The following C8orf34 variants were observed in gnomAD, a reference collection of about 807,000 sequenced individuals.
C8orf34 encodes the protein chromosome 8 open reading frame 34.
Under a neutral mutation model 68.3 loss-of-function variants are expected in C8orf34, and 65 were observed. The observed-to-expected ratio is 0.95, with a 90% confidence interval of 0.78 to 1.17. C8orf34 has a LOEUF of 1.17. C8orf34 is among the 50% of genes most tolerant of loss of function. The probability of loss-of-function intolerance (pLI) is 0.00; values close to 1 mark genes in which losing one functional copy is unlikely to be tolerated. For missense variants in C8orf34, 664 were observed against 655.4 expected, an observed-to-expected ratio of 1.01 and a Z score of -0.14; for synonymous variants, 244 against 241.2, an observed-to-expected ratio of 1.01 and a Z score of -0.11.
chr8:68,574,356 T>C (rs557714564), intron 7 of C8orf34, among the ~76,000 whole-genome samples: 3 of 152,186 alleles, frequency 2.0e-5, no homozygotes, highest in Admixed American at 6.5e-5. Context: ...CTGAACCTCA[T>C]TGTTCAATCA....
chr8:68,360,878 G>A (rs1313531609), intron 1 of C8orf34, among the ~76,000 whole-genome samples: 4 of 149,692 alleles, frequency 2.7e-5, no homozygotes, highest in South Asian at 2.1e-4. Context: ...TTAGCCTCCC[G>A]AGTAGCTGGC....
intron 12 of C8orf34, chr8:68,792,569 C>G (rs145178504): frequency 8.0e-5 from 2 of 25,034 alleles, no homozygotes; most frequent in Non-Finnish European, 1.2e-4. Context: ...GAGACTCCAT[C>G]TCAAAAAAAA....
chr8:68,354,461 C>A (rs1289412739), intron 1 of C8orf34, among the ~76,000 whole-genome samples: 1 of 152,090 alleles, frequency 6.6e-6, no homozygotes, highest in Admixed American at 6.6e-5. Context: ...CTTGCCTCAG[C>A]CTCTCAAAGC....
At chr8:68,744,154 C>T (rs1200571324) in intron 10 of C8orf34, among the ~76,000 whole-genome samples, 1 of 152,168 alleles carries the variant, frequency 6.6e-6, no homozygotes, top group Non-Finnish European at 1.5e-5. Flanking sequence ...GGTACTCCAA[C>T]AGACCTTCAG....
chr8:68,520,035 A>G (rs1814684426), intron 5 of C8orf34, among the ~76,000 whole-genome samples: 1 of 152,188 alleles, frequency 6.6e-6, no homozygotes, highest in African/African-American at 2.4e-5. Flanking sequence ...GCAGATGCAT[A>G]TGCCCTTCTG....
At chr8:68,658,947 G>T (rs779258582) in intron 8 of C8orf34, among the ~76,000 whole-genome samples, 1 of 151,842 alleles carries the variant, frequency 6.6e-6, no homozygotes, top group Non-Finnish European at 1.5e-5. Flanking sequence ...TAATCTTACC[G>T]TTTTACTTTC....
chr8:68,405,007 T>G (rs1173378603), intron 1 of C8orf34, among the ~76,000 whole-genome samples: 1 of 152,216 alleles, frequency 6.6e-6, no homozygotes, highest in African/African-American at 2.4e-5. Context: ...GAGCGTGTAA[T>G]GTTTTTCCAT....
intron 1 of C8orf34, among the ~76,000 whole-genome samples, chr8:68,377,274 T>A (rs1269141012): frequency 6.6e-6 from 1 of 152,012 alleles, no homozygotes; most frequent in Non-Finnish European, 1.5e-5. Context: ...CATGCACCTG[T>A]GGTGTCTCAG....
chr8:68,500,727 A>G (rs1166030820), intron 5 of C8orf34, among the ~76,000 whole-genome samples: 1 of 152,214 alleles, frequency 6.6e-6, no homozygotes, highest in African/African-American at 2.4e-5. Flanking sequence ...TAGTAATTCA[A>G]AATACGAACC....
At chr8:68,539,045 T>A (rs1333846176) in intron 7 of C8orf34, among the ~76,000 whole-genome samples, 3 of 152,134 alleles carry the variant, frequency 2.0e-5, no homozygotes, top group Non-Finnish European at 4.4e-5. Context: ...TTCTTAAAAA[T>A]TTCTTGAATT....
intron 7 of C8orf34, among the ~76,000 whole-genome samples, chr8:68,635,784 T>C (rs1585649974): frequency 1.3e-5 from 2 of 152,318 alleles, no homozygotes; most frequent in African/African-American, 2.4e-5. Context: ...GTTGTTATAT[T>C]GATGAGAAAC....
intron 1 of C8orf34, among the ~76,000 whole-genome samples, chr8:68,337,027 G>A (rs1377533534): frequency 6.6e-6 from 1 of 152,136 alleles, no homozygotes; most frequent in South Asian, 2.1e-4. Context: ...ATAGTAGAAT[G>A]CCAACTAATA....
chr8:68,764,392 A>G (rs1216808182), intron 10 of C8orf34, among the ~76,000 whole-genome samples: 3 of 152,172 alleles, frequency 2.0e-5, no homozygotes, highest in African/African-American at 7.2e-5. Context: ...TGCAAATATT[A>G]AGGTTGGGTC....
intron 5 of C8orf34, among the ~76,000 whole-genome samples, chr8:68,497,290 A>G (rs1323547250): frequency 6.6e-6 from 1 of 152,238 alleles, no homozygotes; most frequent in Non-Finnish European, 1.5e-5. Flanking sequence ...AGCTTTGCTC[A>G]AAATGAGATA....
intron 1 of C8orf34, among the ~76,000 whole-genome samples, chr8:68,409,470 A>G (rs1451801001): frequency 6.6e-6 from 1 of 152,216 alleles, no homozygotes; most frequent in East Asian, 1.9e-4. Context: ...GAGAAATTAA[A>G]AAGTTTAAAA....
chr8:68,553,836 C>T (rs1816164952), intron 7 of C8orf34, among the ~76,000 whole-genome samples: 1 of 151,576 alleles, frequency 6.6e-6, no homozygotes, highest in South Asian at 2.1e-4. Context: ...ACATTCTTGA[C>T]TGTGAAGTAA....
At chr8:68,760,498 A>G (rs893568310) in intron 10 of C8orf34, among the ~76,000 whole-genome samples, 3 of 152,162 alleles carry the variant, frequency 2.0e-5, no homozygotes, top group African/African-American at 7.2e-5. Flanking sequence ...TAATGTGTTT[A>G]TATTCTGGAA....
chr8:68,699,652 T>G (rs1820932162), intron 8 of C8orf34, among the ~76,000 whole-genome samples: 1 of 152,094 alleles, frequency 6.6e-6, no homozygotes, highest in Non-Finnish European at 1.5e-5. Flanking sequence ...TGTTGACATT[T>G]TTACATTTGA....
chr8:68,463,885 AC>A (rs1438486970), intron 3 of C8orf34, among the ~76,000 whole-genome samples: 3 of 152,210 alleles, frequency 2.0e-5, no homozygotes, highest in Non-Finnish European at 4.4e-5. Context: ...CTGGCACAAG[AC>A]AGGGATGCCC....
Sources: gnomAD v4.1 joint callset for allele counts (sites outside exome capture counted in the v4.1 genomes callset) on GRCh38, gnomAD v4.1.1 for gene constraint, MANE v1.5 for transcripts, NCBI Gene and HGNC (gene_info 2026-07-23, HGNC 2026-07-21) for gene names.